SUSD4: variants seen among roughly 807,000 people sequenced by gnomAD.
The protein encoded by SUSD4 is sushi domain containing 4.
In SUSD4, 41 loss-of-function variants were observed where a neutral mutation model predicts 50.5. The observed-to-expected ratio is 0.81, with a 90% CI of 0.63 to 1.05. SUSD4 has a LOEUF of 1.05. SUSD4 is among the 50% of genes least tolerant of loss of function. The probability of loss-of-function intolerance (pLI) is 0.00; values close to 1 mark genes in which losing one functional copy is unlikely to be tolerated. For synonymous variants in SUSD4, 257 were observed against 257.3 expected (o/e 1.00, Z 0.01); for missense variants, 580 against 634.7 (o/e 0.91, Z 0.93).
intron 2 of SUSD4, among the ~76,000 whole-genome samples, chr1:223,305,181 G>A (rs559439397): frequency 3.0e-4 from 46 of 152,078 alleles, no homozygotes; most frequent in Middle Eastern, 3.4e-3. Flanking sequence ...TCTAAGGGCC[G>A]GCAGCCTTTC....
At chr1:223,340,264 C>G (rs1258702830) in intron 2 of SUSD4, among the ~76,000 whole-genome samples, 2 of 152,248 alleles carry the variant, frequency 1.3e-5, no homozygotes, top group Non-Finnish European at 2.9e-5. Context: ...GACAGCTCAG[C>G]TCTTGTGAAA....
chr1:223,244,928 G>GC (rs1660819900), intron 5 of SUSD4, among the ~76,000 whole-genome samples: 1 of 152,178 alleles, frequency 6.6e-6, no homozygotes, highest in Non-Finnish European at 1.5e-5. Flanking sequence ...GGGTGTGTGT[G>GC]CAAGAATCTG....
At chr1:223,354,436 G>A (rs1300577830) in intron 2 of SUSD4, among the ~76,000 whole-genome samples, 1 of 151,886 alleles carries the variant, frequency 6.6e-6, no homozygotes, top group African/African-American at 2.4e-5. Context: ...AATCCAAGGG[G>A]AAAAATCTGG....
rs1659114769 is a variant in SUSD4 at position 223,221,097 on chromosome 1, AG to A, written c.*1094del. Reference sequence around the variant, plus strand: ...GATGAGACCCTCAAAGTAGGAATGCAGGAATGATAGGCAGGTGAGGTGGCTG... The same window carrying A: ...GATGAGACCCTCAAAGTAGGAATGCAGAATGATAGGCAGGTGAGGTGGCTG... On this transcript the variant is annotated 3_prime_UTR_variant, in exon 9 of 9. Transcript: ENST00000366878. 5 of 400,770 alleles carry A rather than the reference AG, an allele frequency of 1.2e-5. No individual in the cohort carries two copies. The highest frequency in any genetic ancestry group is 4.4e-5 in the Admixed American group (1 of 22,730). 24.8% of individuals were successfully genotyped at this position (400,770 alleles called of 1,614,324 possible).
At chr1:223,292,336 G>C in intron 3 of SUSD4, 103 bp downstream of exon 3, 1 of 1,296,926 alleles carries the variant, frequency 7.7e-7, no homozygotes, top group Non-Finnish European at 1.1e-6. Context: ...CCCTGCATCA[G>C]AGAGAAGAGC....
At chr1:223,269,356 G>A (rs1054959011) in intron 3 of SUSD4, among the ~76,000 whole-genome samples, 1 of 152,200 alleles carries the variant, frequency 6.6e-6, no homozygotes, top group Non-Finnish European at 1.5e-5. Flanking sequence ...CAAGGCTGGG[G>A]GCTGGGGGAG....
chr1:223,223,328 A>G lies in SUSD4; in HGVS notation c.1365T>C (p.Pro455=), dbSNP rs755568629. 6 of 1,609,412 alleles carry G rather than the reference A, an allele frequency of 3.7e-6. No homozygotes were observed. The highest frequency in any genetic ancestry group is 5.1e-6 in the Non-Finnish European group (6 of 1,178,134). Residue 455 remains proline (P), a synonymous_variant, in exon 8 of 9, where the codon CCT becomes CCC. Transcript: ENST00000366878. ...SPPRCQESTH[P]ASDNPDIIAS... is the part of the protein sequence containing the mutation. ...CAATTATGTCAGGGTTGTCCGAAGC[A>G]GGGTGGGTGCTCTCTTGGCACCTGG... is the stretch of plus-strand genomic sequence containing the variant.
At chr1:223,299,518 T>C (rs1053477783) in intron 2 of SUSD4, among the ~76,000 whole-genome samples, 2 of 152,160 alleles carry the variant, frequency 1.3e-5, no homozygotes, top group East Asian at 1.9e-4. Flanking sequence ...CTAAATTTAA[T>C]TCAGAGTGGA....
intron 2 of SUSD4, among the ~76,000 whole-genome samples, chr1:223,294,864 A>G (rs1008025855): frequency 6.6e-6 from 1 of 152,194 alleles, no homozygotes; most frequent in Non-Finnish European, 1.5e-5. Flanking sequence ...TGATGGCTGC[A>G]TGTTTTTAAT....
intron 2 of SUSD4, among the ~76,000 whole-genome samples, chr1:223,348,690 T>C (rs1668180140): frequency 1.3e-5 from 2 of 152,182 alleles, no homozygotes; most frequent in South Asian, 4.1e-4. Flanking sequence ...AACCCTAGCC[T>C]AAAGGTGCGT....
chr1:223,264,561 C>A (rs1042264159), intron 5 of SUSD4, 69 bp downstream of exon 5: 5 of 1,585,374 alleles, frequency 3.2e-6, no homozygotes, highest in African/African-American at 2.7e-5. Context: ...CACAGCTCTT[C>A]CTCCTACTGA....
chr1:223,312,937 G>A (rs1665961708), intron 2 of SUSD4, among the ~76,000 whole-genome samples: 1 of 152,196 alleles, frequency 6.6e-6, no homozygotes, highest in South Asian at 2.1e-4. Flanking sequence ...ACTAAGCAGA[G>A]CAAGTCTGGG....
At chr1:223,270,733 C>G (rs929240133) in intron 3 of SUSD4, among the ~76,000 whole-genome samples, 2 of 152,068 alleles carry the variant, frequency 1.3e-5, no homozygotes, top group Non-Finnish European at 2.9e-5. Flanking sequence ...CTGTGCCCAG[C>G]TAATTTTGTA....
chr1:223,321,051 CAA>C (rs1666542820), intron 2 of SUSD4, among the ~76,000 whole-genome samples: 1 of 152,162 alleles, frequency 6.6e-6, no homozygotes, highest in Admixed American at 6.5e-5. Flanking sequence ...CTGTCCAGAC[CAA>C]AGAGTCCTAG....
rs560121880 is a variant in SUSD4, at chr1:223,281,923, G to C, written c.361+10516C>G. 1.7e-4 allele frequency among the ~76,000 whole-genome samples: 26 copies of C among 152,322 alleles called. No homozygotes were observed. The East Asian group carries it at 3.7e-3, about 21-fold the overall frequency. On this transcript the variant is annotated intron_variant, in intron 3 of 8. Coordinates refer to ENST00000366878, the MANE Select transcript of SUSD4 (RefSeq NM_017982.4). ...GTGGGCTTCATCCCTAGGATGCAAG[G>C]CTGGTTCAACATACGCAAATCAATA...
intron 2 of SUSD4, among the ~76,000 whole-genome samples, chr1:223,338,507 G>T (rs61838238): frequency 0.19 from 28,146 of 152,120 alleles, 3,108 homozygotes; most frequent in Non-Finnish European, 0.26. Flanking sequence ...GCACTCAGCA[G>T]TAAAAGGATG....
intron 2 of SUSD4, among the ~76,000 whole-genome samples, chr1:223,299,508 C>G (rs372806709): frequency 1.5e-4 from 23 of 152,184 alleles, no homozygotes; most frequent in African/African-American, 4.1e-4. Context: ...GCAGTTCTTC[C>G]TAAATTTAAT....
chr1:223,365,033 G>C (rs1245326672), upstream of SUSD4, among the ~76,000 whole-genome samples: 1 of 152,142 alleles, frequency 6.6e-6, no homozygotes, highest in Non-Finnish European at 1.5e-5. Flanking sequence ...CTTGGCCTGG[G>C]AGGCGCTCCC....
At chr1:223,340,408 G>A (rs982859730) in intron 2 of SUSD4, among the ~76,000 whole-genome samples, 2 of 152,172 alleles carry the variant, frequency 1.3e-5, no homozygotes, top group Admixed American at 1.3e-4. Context: ...TGCTTGGGGT[G>A]CAGAGCTGGG....
Sources: allele counts gnomAD v4.1 joint callset (sites outside exome capture counted in the v4.1 genomes callset), GRCh38; gene constraint gnomAD v4.1.1; transcripts MANE v1.5; gene names NCBI Gene and HGNC (gene_info 2026-07-23, HGNC 2026-07-21).